ADAMTSL1: variants seen among roughly 807,000 people sequenced by gnomAD.
ADAMTSL1 encodes the protein ADAMTS-like protein 1.
A neutral mutation model predicts 201.8 loss-of-function variants in ADAMTSL1; 126 were observed. The ratio of observed to expected loss-of-function variants is 0.62; its 90% CI spans 0.54 to 0.72. The LOEUF is 0.72. ADAMTSL1 is among the 30% of genes least tolerant of loss of function. The pLI is 0.00. For missense variants in ADAMTSL1, 2,679 were observed against 2,277.8 expected (o/e 1.18, Z -3.59); for synonymous variants, 1,121 against 903.4 (o/e 1.24, Z -4.32).
At chr9:18,556,687 G>C (rs910297339) in intron 3 of ADAMTSL1, among the ~76,000 whole-genome samples, 5 of 151,896 alleles carry the variant, frequency 3.3e-5, no homozygotes, top group African/African-American at 1.2e-4. Context: ...AACAAACTAA[G>C]AAGTATGAGC....
chr9:18,678,645 G>A (rs1175848664), intron 10 of ADAMTSL1, among the ~76,000 whole-genome samples: 1 of 152,090 alleles, frequency 6.6e-6, no homozygotes, highest in East Asian at 1.9e-4. Context: ...GAATTTTAGA[G>A]TACCAATTAG....
intron 4 of ADAMTSL1, among the ~76,000 whole-genome samples, chr9:18,612,591 C>G (rs1289120781): frequency 1.3e-5 from 2 of 152,096 alleles, no homozygotes; most frequent in African/African-American, 2.4e-5. Flanking sequence ...CTACAACTGT[C>G]TGGTCTTTGA....
At chr9:18,379,012 G>C (rs1367260330) in intron 2 of ADAMTSL1, among the ~76,000 whole-genome samples, 4 of 152,186 alleles carry the variant, frequency 2.6e-5, no homozygotes, top group African/African-American at 7.2e-5. Context: ...TAGAATATCA[G>C]ATACTCACGA....
At chr9:18,229,798 C>A (rs577793112) in intron 2 of ADAMTSL1, among the ~76,000 whole-genome samples, 41 of 151,962 alleles carry the variant, frequency 2.7e-4, no homozygotes, top group Non-Finnish European at 5.0e-4. Flanking sequence ...CGGGTTCAAG[C>A]AATTCTCCTG....
At chr9:17,964,748 A>G (rs913417703) in intron 1 of ADAMTSL1, among the ~76,000 whole-genome samples, 18 of 152,222 alleles carry the variant, frequency 1.2e-4, no homozygotes, top group African/African-American at 3.6e-4. Context: ...GTTGCTTCTT[A>G]TAACTACATG....
chr9:18,746,437 G>GA (rs1382764031), intron 15 of ADAMTSL1, among the ~76,000 whole-genome samples: 2 of 152,154 alleles, frequency 1.3e-5, no homozygotes, highest in Admixed American at 1.3e-4. Flanking sequence ...TGGAAGACAA[G>GA]AAAATCACAG....
chr9:18,512,648 T>C (rs1363610061), intron 2 of ADAMTSL1, among the ~76,000 whole-genome samples: 3 of 152,176 alleles, frequency 2.0e-5, no homozygotes, highest in South Asian at 2.1e-4. Flanking sequence ...TTTCTACTGA[T>C]TATAGTTGCA....
chr9:18,019,877 A>G (rs1820409611), intron 1 of ADAMTSL1, among the ~76,000 whole-genome samples: 1 of 152,072 alleles, frequency 6.6e-6, no homozygotes, highest in Non-Finnish European at 1.5e-5. Context: ...AGAGTAGTGG[A>G]GAATTATTCT....
chr9:18,282,523 T>G (rs1054198166), intron 2 of ADAMTSL1, among the ~76,000 whole-genome samples: 1 of 152,238 alleles, frequency 6.6e-6, no homozygotes, highest in African/African-American at 2.4e-5. Context: ...AAAAATAAAA[T>G]TTCAGCTCTT....
At chr9:18,025,122 G>C (rs1466772256) in intron 1 of ADAMTSL1, among the ~76,000 whole-genome samples, 1 of 151,664 alleles carries the variant, frequency 6.6e-6, no homozygotes, top group Non-Finnish European at 1.5e-5. Context: ...TTTTTTGCTT[G>C]CTGAATTGTT....
chr9:18,255,243 C>T lies in ADAMTSL1; in HGVS notation c.207+91262C>T, dbSNP rs117095360. 2.3e-3 allele frequency among the ~76,000 whole-genome samples: 355 copies of T among 152,216 alleles called. 1 individual carries two copies. The highest frequency in any genetic ancestry group is 3.0e-3 in the Non-Finnish European group (207 of 68,020). ...CACATTCGTAGGCTGTAACTCCACA[C>T]AGAAACCACTAGGGGGCGCTGCCGC... is the stretch of plus-strand genomic sequence containing the variant. On this transcript the variant is annotated intron_variant, in intron 2 of 29. Coordinates refer to the ADAMTSL1 transcript ENST00000680146.
chr9:18,478,074 T>C (rs1821545647), intron 1 of ADAMTSL1, among the ~76,000 whole-genome samples: 1 of 152,206 alleles, frequency 6.6e-6, no homozygotes, highest in Non-Finnish European at 1.5e-5. Context: ...TTTACTATTA[T>C]GTATGTATAA....
At chr9:18,856,210 G>A (rs1293050896) in intron 23 of ADAMTSL1, among the ~76,000 whole-genome samples, 1 of 152,078 alleles carries the variant, frequency 6.6e-6, no homozygotes, top group Non-Finnish European at 1.5e-5. Context: ...ATTATAAAAA[G>A]TTAAATTGGA....
chr9:18,358,857 G>T (rs922004202), intron 2 of ADAMTSL1, among the ~76,000 whole-genome samples: 1 of 152,104 alleles, frequency 6.6e-6, no homozygotes, highest in African/African-American at 2.4e-5. Flanking sequence ...GGTTTTGTGT[G>T]AACTTACATT....
At chr9:18,776,014 C>G (rs1820964026) in intron 18 of ADAMTSL1, 118 bp downstream of exon 18, 2 of 1,328,274 alleles carry the variant, frequency 1.5e-6, no homozygotes, top group Non-Finnish European at 2.0e-6. Flanking sequence ...GACAGTAGAA[C>G]CCCATGGAGG....
At chr9:18,268,866 C>G (rs1832242730) in intron 2 of ADAMTSL1, among the ~76,000 whole-genome samples, 1 of 151,952 alleles carries the variant, frequency 6.6e-6, no homozygotes, top group Admixed American at 6.6e-5. Flanking sequence ...TCTTTTTCTC[C>G]TGTTGTATAT....
intron 1 of ADAMTSL1, among the ~76,000 whole-genome samples, chr9:18,053,820 T>C (rs1211131488): frequency 6.6e-6 from 1 of 152,222 alleles, no homozygotes; most frequent in East Asian, 1.9e-4. Context: ...AAGACCCTGG[T>C]AACTCTTGGT....
chr9:18,230,934 T>C (rs1830624841), intron 2 of ADAMTSL1, among the ~76,000 whole-genome samples: 1 of 152,164 alleles, frequency 6.6e-6, no homozygotes, highest in Non-Finnish European at 1.5e-5. Flanking sequence ...AGGATTTTCC[T>C]CCTTGGGGGA....
intron 2 of ADAMTSL1, among the ~76,000 whole-genome samples, chr9:18,442,714 C>G (rs1007636845): frequency 2.0e-5 from 3 of 152,184 alleles, no homozygotes; most frequent in Non-Finnish European, 4.4e-5. Context: ...AAGAACCTTA[C>G]AGATTTTTCT....
Sources: allele counts gnomAD v4.1 joint callset (sites outside exome capture counted in the v4.1 genomes callset), GRCh38; gene constraint gnomAD v4.1.1; transcripts MANE v1.5; gene names NCBI Gene and HGNC (gene_info 2026-07-23, HGNC 2026-07-21).